Variants in FCN1 observed in about 807,000 individuals in gnomAD.
FCN1 encodes the protein ficolin 1.
FCN1 carries 42 observed loss-of-function variants against 35.6 expected under a neutral mutation model. The ratio of observed to expected loss-of-function variants is 1.18; its 90% confidence interval spans 0.92 to 1.53. FCN1 has a LOEUF of 1.53. FCN1 is among the 40% of genes most tolerant of loss of function. The pLI is 0.00. For missense variants in FCN1, 439 were observed against 428.4 expected (o/e 1.02, Z -0.22); for synonymous variants, 179 against 169.8 (o/e 1.05, Z -0.42).
Position 134,912,616 on chromosome 9 carries a change from C to T in FCN1, c.469-1G>A, listed in dbSNP as rs769226213. On this transcript the variant is annotated splice_acceptor_variant, in intron 6 of 8. Coordinates refer to ENST00000371806, the MANE Select transcript of FCN1 (RefSeq NM_002003.5). LOFTEE classifies it high-confidence loss of function. ...AGCCATCCATCCTCCGCTGGAAAACCTGTGAAGAAGCCAGGATACAGAGTT... is the reference window on the plus strand; with the variant it reads ...AGCCATCCATCCTCCGCTGGAAAACTTGTGAAGAAGCCAGGATACAGAGTT... 1.9e-6 allele frequency: 3 copies of T among 1,614,040 alleles called. No homozygotes were observed. The highest frequency in any genetic ancestry group is 2.5e-6 in the Non-Finnish European group (3 of 1,180,002).
Position 134,909,409 on chromosome 9 carries a change from G to A in FCN1, c.*389C>T. 7.7e-7 allele frequency: 1 copy of A among 1,290,520 alleles called. No individual in the cohort carries two copies. The allele number at this position is 1,290,520 out of a possible 1,614,324, so 79.9% of individuals were successfully genotyped here. On this transcript the variant is annotated 3_prime_UTR_variant, in exon 9 of 9. Coordinates refer to ENST00000371806, the MANE Select transcript of FCN1 (RefSeq NM_002003.5). The stretch of plus-strand genomic sequence containing the variant: ...CGCCCTGTGTCAATTACTGGAGGTG[G>A]AAAATCCTCGCAAAAGTCACTCAAC...
Position 134,909,511 on chromosome 9 carries a change from C to A in FCN1, c.*287G>T, listed in dbSNP as rs1428916713. The A allele has an allele frequency of 2.7e-5, 36 of 1,350,660 alleles. No homozygotes were observed. The highest frequency in any genetic ancestry group is 3.3e-5 in the Non-Finnish European group (34 of 1,028,974). The allele number at this position is 1,350,660 out of a possible 1,614,324, so 83.7% of individuals were successfully genotyped here. A position where few individuals can be genotyped will look rare whatever the true frequency, so the allele number is the denominator to read the frequency against. ...CGACTTACCAAATTCCAGGGAAAGA[C>A]CTGCCGTGCAACAGACACAGGAAAG... is the stretch of plus-strand genomic sequence containing the variant. On this transcript the variant is annotated 3_prime_UTR_variant, in exon 9 of 9. Coordinates refer to ENST00000371806, the MANE Select transcript of FCN1 (RefSeq NM_002003.5).
intron 5 of FCN1, 34 bp from the exon 6 acceptor site, chr9:134,913,177 G>GGGGGCCCTGGGCAGGACA (rs1482987444): frequency 6.2e-7 from 1 of 1,609,170 alleles, no homozygotes; most frequent in African/African-American, 1.4e-5. Context: ...GCTGCAGGAC[G>GGGGGCCCTGGGCAGGACA]GGGGCCCTGG....
At position 134,905,876 on chromosome 9, in the gene FCN1, T is replaced by TTCC. The variant is rs1564215367; in HGVS notation, c.*3921_*3922insGGA. ...CCTCTTCCTCTTCCTCTTCTTCTTC[T>TTCC]TCTTCTTCTTCTTCTTCTTCTTCTT... On this transcript the variant is annotated 3_prime_UTR_variant, in exon 9 of 9. Transcript: ENST00000371806. 1 of 53,650 alleles carries TTCC rather than the reference T, an allele frequency of 1.9e-5. No homozygotes were observed. Among genetic ancestry groups the TTCC allele is most frequent in the Non-Finnish European group, 3.3e-5 (1 of 30,648 alleles). The allele number at this position is 53,650 out of a possible 1,614,324, so 3.3% of individuals were successfully genotyped here. A position where few individuals can be genotyped will look rare whatever the true frequency, so the allele number is the denominator to read the frequency against.
rs189919706 is a variant in FCN1, at chr9:134,916,931, T to C, written c.104-470A>G. Among the ~76,000 whole-genome samples, 230 of 152,340 alleles carry C rather than the reference T, an allele frequency of 1.5e-3. 2 individuals carry two copies. In the South Asian group the frequency reaches 0.016, roughly 11 times the overall value. ...GTAGAATTACTGGGCTGGAAGGGGC[T>C]TTCTAGGTCCTCTGGAGAGGGGCAG... On this transcript the variant is annotated intron_variant, in intron 1 of 8. Coordinates refer to ENST00000371806, the MANE Select transcript of FCN1 (RefSeq NM_002003.5).
At position 134,904,814 on chromosome 9, in the gene FCN1, GT is replaced by G. The variant is rs1830921238; in HGVS notation, c.*4983del. Among the ~76,000 whole-genome samples the G allele has an allele frequency of 6.6e-6, 1 of 151,580 alleles. No individual in the cohort carries two copies. Among genetic ancestry groups the G allele is most frequent in the Non-Finnish European group, 1.5e-5 (1 of 67,938 alleles). On this transcript the variant is annotated 3_prime_UTR_variant, in exon 9 of 9. Coordinates refer to ENST00000371806, the MANE Select transcript of FCN1 (RefSeq NM_002003.5). Reference sequence around the variant, plus strand: ...AAATAAAAAATATATATGAAAGGGAGTTTGTCAGGCAGCAAGAAGATGATCT... The same window carrying G: ...AAATAAAAAATATATATGAAAGGGAGTTGTCAGGCAGCAAGAAGATGATCT...
chr9:134,909,761 C>T lies in FCN1; in HGVS notation c.*37G>A, dbSNP rs752706989. On this transcript the variant is annotated 3_prime_UTR_variant, in exon 9 of 9. Coordinates refer to ENST00000371806, the MANE Select transcript of FCN1 (RefSeq NM_002003.5). ...ACGCAGCGCTTGTGGGTGTGGCCTCCCCACTAGCAGGTGCATGTGGAGGGG... is the reference window on the plus strand; with the variant it reads ...ACGCAGCGCTTGTGGGTGTGGCCTCTCCACTAGCAGGTGCATGTGGAGGGG... The T allele has an allele frequency of 1.2e-6, 2 of 1,608,734 alleles. No individual in the cohort carries two copies. The highest frequency in any genetic ancestry group is 1.1e-5 in the South Asian group (1 of 90,754).
chr9:134,917,888 C>T lies in FCN1; in HGVS notation c.-17G>A. The T allele has an allele frequency of 1.3e-6, 2 of 1,567,756 alleles. No homozygotes were observed. The highest frequency in any genetic ancestry group is 1.8e-6 in the Non-Finnish European group (2 of 1,137,992). ...CAGCTCCATGCTCTCTGGCCTTTGA[C>T]TCTGAAGAGTCCCCCAGCTCTAACA... On this transcript the variant is annotated 5_prime_UTR_variant, in exon 1 of 9. Coordinates refer to ENST00000371806, the MANE Select transcript of FCN1 (RefSeq NM_002003.5).
At chr9:134,911,573 C>T (rs1252036652) in intron 7 of FCN1, among the ~76,000 whole-genome samples, 9 of 150,830 alleles carry the variant, frequency 6.0e-5, no homozygotes, top group African/African-American at 1.5e-4. Flanking sequence ...AGGATGGTCT[C>T]GATCTCTTCA....
intron 8 of FCN1, among the ~76,000 whole-genome samples, chr9:134,910,567 T>C (rs1105323): frequency 0.65 from 98,609 of 152,080 alleles, 32,609 homozygotes; most frequent in African/African-American, 0.77. Flanking sequence ...TTGGAGGTCA[T>C]GCGTGAGATC....
chr9:134,904,641 G>A lies in FCN1; in HGVS notation c.*5157C>T, dbSNP rs1323664691. Among the ~76,000 whole-genome samples, 4 of 152,022 alleles carry A rather than the reference G, an allele frequency of 2.6e-5. No homozygotes were observed. The highest frequency in any genetic ancestry group is 6.6e-5 in the Admixed American group (1 of 15,246). ...CAAAAAATACAAAAATTAGCCCAGC[G>A]TAGTGGTGCACACCTGTAGTCCCAG... On this transcript the variant is annotated 3_prime_UTR_variant, in exon 9 of 9. Coordinates refer to ENST00000371806, the MANE Select transcript of FCN1 (RefSeq NM_002003.5).
intron 1 of FCN1, among the ~76,000 whole-genome samples, chr9:134,916,867 G>A (rs1278819929): frequency 5.9e-5 from 9 of 152,244 alleles, no homozygotes; most frequent in Admixed American, 5.9e-4. Context: ...AATTGGGGCT[G>A]ACAAAGCATT....
chr9:134,913,159 G>C lies in FCN1; in HGVS notation c.341-16C>G. 1 of 1,613,266 alleles carries C rather than the reference G, an allele frequency of 6.2e-7. No homozygotes were observed. The highest frequency in any genetic ancestry group is 8.5e-7 in the Non-Finnish European group (1 of 1,179,708). On this transcript the variant is annotated splice_polypyrimidine_tract_variant and intron_variant, in intron 5 of 8. Transcript: ENST00000371806. ...TTGCGTGGGCCTGGGAAGGGAACCC[G>C]GGGAATGGCTGCAGGACGGGGGCCC...
intron 3 of FCN1, 139 bp from the exon 4 acceptor site, chr9:134,914,559 C>T: frequency 1.0e-6 from 1 of 997,956 alleles, no homozygotes; most frequent in Admixed American, 2.0e-5. Context: ...ACGCCCAGGT[C>T]TCAATGGTGG....
Position 134,916,989 on chromosome 9 carries a change from C to T in FCN1, c.104-528G>A, listed in dbSNP as rs182979116. ...TCCAAGGACACAGAGCCAGGTGTGG[C>T]ACAGCTGCAGCCAAACCAAAGTTGT... On this transcript the variant is annotated intron_variant, in intron 1 of 8. Transcript: ENST00000371806. 6.2e-4 allele frequency among the ~76,000 whole-genome samples: 95 copies of T among 152,294 alleles called. 1 individual carries two copies. The highest frequency in any genetic ancestry group is 6.2e-3 in the Admixed American group (95 of 15,302).
chr9:134,912,487 CTGGGCAGTCAGGGCG>C lies in FCN1; in HGVS notation c.582_596del (p.His194_Ala198del). On this transcript the variant is annotated inframe_deletion and splice_region_variant, in exon 7 of 9. Coordinates refer to ENST00000371806, the MANE Select transcript of FCN1 (RefSeq NM_002003.5). ...CCTGAGCCACGGCAGTGGCCCTACC[CTGGGCAGTCAGGGCG>C]TGGATGTTGTCATTCCCCAGCCAGA... is the stretch of plus-strand genomic sequence containing the variant. 1 of 1,613,792 alleles carries C rather than the reference CTGGGCAGTCAGGGCG, an allele frequency of 6.2e-7. No homozygotes were observed. The highest frequency in any genetic ancestry group is 8.5e-7 in the Non-Finnish European group (1 of 1,179,820).
Position 134,905,922 on chromosome 9 carries a change from T to TCTTCTTCTC in FCN1, c.*3875_*3876insGAGAAGAAG, listed in dbSNP as rs1830951341. The TCTTCTTCTC allele has an allele frequency of 1.0e-5, 1 of 95,552 alleles. No homozygotes were observed. The highest frequency in any genetic ancestry group is 1.9e-5 in the Non-Finnish European group (1 of 51,408). 5.9% of individuals were successfully genotyped at this position (95,552 alleles called of 1,614,324 possible). On this transcript the variant is annotated 3_prime_UTR_variant, in exon 9 of 9. Transcript: ENST00000371806. The stretch of plus-strand genomic sequence containing the variant: ...TTCTTCTTCTTCTTCTTCTTCTTCT[T>TCTTCTTCTC]CTCCCTCTCCCTCTCCCTCTCCCTC...
chr9:134,916,728 G>A (rs540589296), intron 1 of FCN1, among the ~76,000 whole-genome samples: 8 of 152,342 alleles, frequency 5.3e-5, no homozygotes, highest in Middle Eastern at 3.4e-3. Flanking sequence ...ACAAGGTTGC[G>A]GCCAGGATTT....
In FCN1 at chr9:134,914,788, GCTCCAGGGAGACCGCGTT is replaced by G; in HGVS notation, c.221_238del (p.Glu74_Gly79del). On this transcript the variant is annotated inframe_deletion, in exon 3 of 9. Coordinates refer to ENST00000371806, the MANE Select transcript of FCN1 (RefSeq NM_002003.5). ...CCCCACTGGTCCTGCCTTTCCAGGG[GCTCCAGGGAGACCGCGTT>G]CTCCTGAAAATTCCAAAGACATATC... 1 of 1,612,746 alleles carries G rather than the reference GCTCCAGGGAGACCGCGTT, an allele frequency of 6.2e-7. No homozygotes were observed. The highest frequency in any genetic ancestry group is 8.5e-7 in the Non-Finnish European group (1 of 1,179,262).
Sources: allele counts gnomAD v4.1 joint callset (sites outside exome capture counted in the v4.1 genomes callset), GRCh38; gene constraint gnomAD v4.1.1; transcripts MANE v1.5; gene names NCBI Gene and HGNC (gene_info 2026-07-23, HGNC 2026-07-21).